The following CCNY variants were observed in gnomAD, a reference collection of about 807,000 sequenced individuals.
CCNY encodes the protein cyclin-Y.
In CCNY, 19 loss-of-function variants were observed where a neutral mutation model predicts 42.8. That is an observed-to-expected ratio of 0.44 (90% confidence interval 0.31 to 0.65). The LOEUF is 0.65. Ranked by LOEUF, CCNY falls within the 30% of genes least tolerant of loss-of-function variation. The probability of loss-of-function intolerance (pLI) is 0.07; values close to 1 mark genes in which losing one functional copy is unlikely to be tolerated. For synonymous variants in CCNY, 165 were observed against 162.7 expected, an observed-to-expected ratio of 1.01 and a Z score of -0.11; for missense variants, 370 against 437.3, an observed-to-expected ratio of 0.85 and a Z score of 1.37.
intron 1 of CCNY, among the ~76,000 whole-genome samples, chr10:35,430,422 T>C (rs951074536): frequency 2.0e-5 from 3 of 150,156 alleles, no homozygotes; most frequent in African/African-American, 7.4e-5. Flanking sequence ...AATTTCATGG[T>C]AATTTTTTTT....
At chr10:35,392,915 G>C (rs1017948075) in intron 1 of CCNY, among the ~76,000 whole-genome samples, 1 of 152,130 alleles carries the variant, frequency 6.6e-6, no homozygotes, top group African/African-American at 2.4e-5. Flanking sequence ...CTTGGGTCCT[G>C]TCTTCAGGCT....
chr10:35,270,264 G>A (rs1310791330), intron 3 of CCNY, among the ~76,000 whole-genome samples: 1 of 152,110 alleles, frequency 6.6e-6, no homozygotes, highest in Non-Finnish European at 1.5e-5. Flanking sequence ...ATGAGGGTTT[G>A]CTCTCATGAC....
chr10:35,410,667 G>A (rs1230006197), intron 1 of CCNY, among the ~76,000 whole-genome samples: 1 of 152,198 alleles, frequency 6.6e-6, no homozygotes, highest in East Asian at 1.9e-4. Flanking sequence ...CTAACTAAAA[G>A]CAAGCTTAAG....
At chr10:35,442,422 A>T (rs1838691171) in intron 1 of CCNY, among the ~76,000 whole-genome samples, 1 of 152,240 alleles carries the variant, frequency 6.6e-6, no homozygotes, top group African/African-American at 2.4e-5. Context: ...TGGCTTTATA[A>T]TTGAAAGGTA....
chr10:35,304,150 A>G (rs961383715), intron 3 of CCNY, among the ~76,000 whole-genome samples: 12 of 152,084 alleles, frequency 7.9e-5, no homozygotes, highest in African/African-American at 1.9e-4. Flanking sequence ...CACATGGGGG[A>G]GCTCAGCATA....
At position 35,501,597 on chromosome 10, in the gene CCNY, ACTGT is replaced by A. The variant is rs1840111819; in HGVS notation, c.264+67_264+70del. The A allele has an allele frequency of 3.5e-6, 5 of 1,409,336 alleles. No individual in the cohort carries two copies. In the South Asian group the frequency reaches 4.6e-5, roughly 13 times the overall value. 87.3% of individuals were successfully genotyped at this position (1,409,336 alleles called of 1,614,324 possible). ...CTGTACAGTGTAAAGAGCTAAAATA[ACTGT>A]CTGTGATGGATGAAAATGGCTCATG... On this transcript the variant is annotated intron_variant, in intron 3 of 9. Coordinates refer to ENST00000374704, the MANE Select transcript of CCNY (RefSeq NM_145012.6).
At chr10:35,423,635 C>T (rs1380602831) in intron 1 of CCNY, among the ~76,000 whole-genome samples, 1 of 151,796 alleles carries the variant, frequency 6.6e-6, no homozygotes, top group Non-Finnish European at 1.5e-5. Flanking sequence ...TGGCGGATGT[C>T]TCAGTTTGGT....
In CCNY at chr10:35,281,047, C is replaced by T. The variant is rs772629091; in HGVS notation, c.-9+30421C>T. On this transcript the variant is annotated intron_variant, in intron 3 of 11. Coordinates refer to the CCNY transcript ENST00000374706. ...AATGCAAATCAAAGCCACAATCAAACGCCACTTCACACCCACTGGCATGGC... is the reference window on the plus strand; with the variant it reads ...AATGCAAATCAAAGCCACAATCAAATGCCACTTCACACCCACTGGCATGGC... Among the ~76,000 whole-genome samples the T allele has an allele frequency of 1.4e-4, 22 of 152,244 alleles. No homozygotes were observed. The East Asian group carries it at 1.9e-3, about 13-fold the overall frequency.
chr10:35,453,599 T>C (rs1047456043), intron 1 of CCNY, among the ~76,000 whole-genome samples: 1 of 152,236 alleles, frequency 6.6e-6, no homozygotes, highest in Admixed American at 6.5e-5. Context: ...ATATTTGAGT[T>C]AGCAAAAGCT....
intron 1 of CCNY, among the ~76,000 whole-genome samples, chr10:35,375,241 T>TCC (rs1449554807): frequency 2.0e-5 from 3 of 152,224 alleles, no homozygotes; most frequent in Non-Finnish European, 4.4e-5. Flanking sequence ...AGGCTGTGTT[T>TCC]CCTGTTGTGG....
chr10:35,286,097 C>A (rs1216613230), intron 3 of CCNY, among the ~76,000 whole-genome samples: 1 of 152,186 alleles, frequency 6.6e-6, no homozygotes, highest in Non-Finnish European at 1.5e-5. Flanking sequence ...CAGGCGTGAA[C>A]CACCACGCCT....
chr10:35,391,343 C>T lies in CCNY; in HGVS notation c.154+54136C>T, dbSNP rs555979375. 1.4e-4 allele frequency among the ~76,000 whole-genome samples: 21 copies of T among 151,540 alleles called. 1 individual carries two copies. The highest frequency in any genetic ancestry group is 1.0e-3 in the South Asian group (5 of 4,784). ...CAGAGTGGCGGGGTGAGTAGTTTGGCGGGAAGGCCAGTTAAGAACAGGTAA... is the reference window on the plus strand; with the variant it reads ...CAGAGTGGCGGGGTGAGTAGTTTGGTGGGAAGGCCAGTTAAGAACAGGTAA... On this transcript the variant is annotated intron_variant, in intron 1 of 9. Transcript: ENST00000374704.
intron 1 of CCNY, among the ~76,000 whole-genome samples, chr10:35,337,496 C>G (rs112906591): frequency 1.6e-3 from 236 of 152,210 alleles, no homozygotes; most frequent in African/African-American, 5.2e-3. Flanking sequence ...GGAGCCGGCC[C>G]TCGTCCTTAA....
chr10:35,437,905 C>G (rs148946024), intron 1 of CCNY, among the ~76,000 whole-genome samples: 12 of 152,158 alleles, frequency 7.9e-5, no homozygotes, highest in Non-Finnish European at 1.2e-4. Context: ...ATTAACAATA[C>G]TAAATAGATA....
In CCNY at chr10:35,540,314, G is replaced by T. The variant is rs149806122; in HGVS notation, c.579+10071G>T. 5.6e-3 allele frequency among the ~76,000 whole-genome samples: 849 copies of T among 152,268 alleles called. 8 individuals carry two copies. Among genetic ancestry groups the T allele is most frequent in the Middle Eastern group, 0.017 (5 of 294 alleles). ...ATTAGATTCTGTTAAATGCTTTTCTGCATCTATTGTGATTGATCATGTAGT... is the reference window on the plus strand; with the variant it reads ...ATTAGATTCTGTTAAATGCTTTTCTTCATCTATTGTGATTGATCATGTAGT... On this transcript the variant is annotated intron_variant, in intron 7 of 9. Coordinates refer to ENST00000374704, the MANE Select transcript of CCNY (RefSeq NM_145012.6).
intron 8 of CCNY, among the ~76,000 whole-genome samples, chr10:35,558,032 A>G (rs1438318416): frequency 6.6e-6 from 1 of 152,168 alleles, no homozygotes; most frequent in Non-Finnish European, 1.5e-5. Context: ...TTTTTGAATT[A>G]TATGCTAAAA....
chr10:35,489,339 C>A (rs887229874), intron 2 of CCNY, among the ~76,000 whole-genome samples: 2 of 152,130 alleles, frequency 1.3e-5, no homozygotes, highest in Non-Finnish European at 2.9e-5. Context: ...CTCGCTCTGT[C>A]GCTGAGGCTG....
intron 3 of CCNY, among the ~76,000 whole-genome samples, chr10:35,261,385 A>G (rs34397613): frequency 0.37 from 56,251 of 151,206 alleles, 11,028 homozygotes; most frequent in African/African-American, 0.51. Context: ...TTACAGGCGT[A>G]TGCTAACACT....
At chr10:35,402,283 T>C (rs1301080629) in intron 1 of CCNY, among the ~76,000 whole-genome samples, 4 of 152,090 alleles carry the variant, frequency 2.6e-5, no homozygotes, top group African/African-American at 7.2e-5. Context: ...TTTTTATGAA[T>C]TGAAAAACTA....
Sources: allele counts gnomAD v4.1 joint callset (sites outside exome capture counted in the v4.1 genomes callset), GRCh38; gene constraint gnomAD v4.1.1; transcripts MANE v1.5; gene names NCBI Gene and HGNC (gene_info 2026-07-23, HGNC 2026-07-21).